RAI14: variants seen among roughly 807,000 people sequenced by gnomAD.
The protein encoded by RAI14 is ankycorbin.
RAI14 carries 45 observed loss-of-function variants against 115.4 expected under a neutral mutation model. The observed-to-expected ratio is 0.39, with a 90% CI of 0.31 to 0.50. The LOEUF is 0.50. Among genes scored for constraint, RAI14 ranks in the 20% least tolerant of loss-of-function variants. The pLI, the probability that RAI14 is intolerant of heterozygous loss-of-function variation, is 0.85. For missense variants in RAI14, 939 were observed against 1,131.2 expected (o/e 0.83, Z 2.44); for synonymous variants, 371 against 415.4 (o/e 0.89, Z 1.30).
chr5:34,741,665 G>A (rs970788212), intron 2 of RAI14, among the ~76,000 whole-genome samples: 1 of 152,152 alleles, frequency 6.6e-6, no homozygotes, highest in Non-Finnish European at 1.5e-5. Flanking sequence ...GGGATTTAAG[G>A]TTTGAAACTG....
chr5:34,776,208 G>A (rs887274123), intron 3 of RAI14, among the ~76,000 whole-genome samples: 2 of 152,196 alleles, frequency 1.3e-5, no homozygotes, highest in Non-Finnish European at 1.5e-5. Context: ...ATTTGTGGGA[G>A]CTAGAAATTA....
rs1253794061 is a variant in RAI14 at position 34,701,515 on chromosome 5, C to CT, written c.36+14563dup. Among the ~76,000 whole-genome samples, 8 of 152,340 alleles carry CT rather than the reference C, an allele frequency of 5.3e-5. No individual in the cohort carries two copies. In the South Asian group the frequency reaches 1.2e-3, roughly 24 times the overall value. ...ATCTTTATCTTAACCTGAATGTTCC[C>CT]TTTCTACCAATCCCAAGTCTTTAGA... On this transcript the variant is annotated intron_variant, in intron 2 of 17. Transcript: ENST00000265109.
intron 2 of RAI14, among the ~76,000 whole-genome samples, chr5:34,747,328 A>C (rs1048562625): frequency 6.6e-6 from 1 of 152,230 alleles, no homozygotes; most frequent in Non-Finnish European, 1.5e-5. Context: ...CGCACTGTAC[A>C]TTTTAATTTT....
At chr5:34,677,093 C>G (rs1744031511) in intron 1 of RAI14, among the ~76,000 whole-genome samples, 2 of 150,332 alleles carry the variant, frequency 1.3e-5, no homozygotes, top group Admixed American at 1.3e-4. Flanking sequence ...TTTGTATCCC[C>G]CTGTCTGAAA....
intron 3 of RAI14, among the ~76,000 whole-genome samples, chr5:34,758,616 C>T (rs1457145256): frequency 1.3e-5 from 2 of 152,098 alleles, no homozygotes; most frequent in Non-Finnish European, 2.9e-5. Context: ...GCTATGTTAC[C>T]GAGGCTAGAC....
At chr5:34,818,183 A>G (rs1260785512) in intron 12 of RAI14, among the ~76,000 whole-genome samples, 1 of 152,180 alleles carries the variant, frequency 6.6e-6, no homozygotes, top group African/African-American at 2.4e-5. Flanking sequence ...TTTTGAAATG[A>G]GATTGTGGCT....
chr5:34,693,003 G>T (rs1462219609), intron 2 of RAI14, among the ~76,000 whole-genome samples: 1 of 152,138 alleles, frequency 6.6e-6, no homozygotes, highest in East Asian at 1.9e-4. Context: ...GCTTGCAGAA[G>T]CCTTGCCCCG....
intron 3 of RAI14, among the ~76,000 whole-genome samples, chr5:34,776,803 T>TCAA (rs1279080501): frequency 6.2e-5 from 9 of 144,948 alleles, no homozygotes; most frequent in South Asian, 2.2e-4. Context: ...TGAGACCCTT[T>TCAA]ATTAAAAAAA....
rs182263826 is a variant in RAI14 at position 34,825,365 on chromosome 5, C to T, written c.2649+874C>T. 1.4e-4 allele frequency among the ~76,000 whole-genome samples: 21 copies of T among 152,304 alleles called. No homozygotes were observed. The South Asian group carries it at 3.1e-3, about 23-fold the overall frequency. On this transcript the variant is annotated intron_variant, in intron 15 of 17. Coordinates refer to ENST00000265109, the MANE Select transcript of RAI14 (RefSeq NM_015577.3). The stretch of plus-strand genomic sequence containing the variant: ...TATCTGTCCTTTAAAAATCATTTTA[C>T]AGAAGCTTTGCCAGTATTGGGGATC...
At chr5:34,804,467 A>G (rs943885563) in intron 5 of RAI14, among the ~76,000 whole-genome samples, 3 of 152,246 alleles carry the variant, frequency 2.0e-5, no homozygotes, top group African/African-American at 7.2e-5. Flanking sequence ...GCATAGAGCA[A>G]TAAAATACGT....
chr5:34,794,107 T>C (rs534186293), intron 3 of RAI14, among the ~76,000 whole-genome samples: 3 of 152,204 alleles, frequency 2.0e-5, no homozygotes, highest in African/African-American at 4.8e-5. Context: ...TTAAGCTATA[T>C]TGAATGAGGA....
intron 3 of RAI14, among the ~76,000 whole-genome samples, chr5:34,778,233 T>C (rs140006605): frequency 6.6e-6 from 1 of 152,230 alleles, no homozygotes; most frequent in Non-Finnish European, 1.5e-5. Flanking sequence ...CAAACTTGGA[T>C]GTGTACATGG....
At chr5:34,826,536 A>G (rs1378693553) in intron 16 of RAI14, 57 bp downstream of exon 16, 27 of 1,575,426 alleles carry the variant, frequency 1.7e-5, no homozygotes, top group Non-Finnish European at 2.3e-5. Flanking sequence ...CAGATTTCCT[A>G]CCATCTCAGC....
Position 34,823,056 on chromosome 5 carries a change from C to T in RAI14, c.1214C>T (p.Ser405Phe), listed in dbSNP as rs776380588. The T allele has an allele frequency of 6.2e-7, 1 of 1,612,768 alleles. No individual in the cohort carries two copies. The highest frequency in any genetic ancestry group is 8.5e-7 in the Non-Finnish European group (1 of 1,178,818). ...GPSLGKPGET[S>F]PPDSKSSPSV... Reference sequence around the variant, plus strand: ...TCCCTGGGAAAACCTGGTGAAACCTCTCCCCCAGACTCCAAATCATCTCCA... The same window carrying T: ...TCCCTGGGAAAACCTGGTGAAACCTTTCCCCCAGACTCCAAATCATCTCCA... The change falls in exon 15 of 18, where the codon TCT (serine) becomes TTT (phenylalanine). Residue 405 changes from serine (S) to phenylalanine (F), a missense_variant. Physicochemically the swap from Ser to Phe is radical, Grantham distance 155 (BLOSUM62 -2). Coordinates refer to ENST00000265109, the MANE Select transcript of RAI14 (RefSeq NM_015577.3). The surrounding 1 kb of genome is among the most constrained non-coding windows in gnomAD (Gnocchi z 4.5).
rs185669062 is a variant in RAI14 at position 34,748,641 on chromosome 5, G to T, written c.37-8827G>T. On this transcript the variant is annotated intron_variant, in intron 2 of 17. Transcript: ENST00000265109. ...TAATATCCTATTTTGCATTGTTGGC[G>T]TATTTCTGGTATTACCGTATTTGAT... Among the ~76,000 whole-genome samples the T allele has an allele frequency of 3.3e-5, 5 of 152,034 alleles. No individual in the cohort carries two copies. In the East Asian group the frequency reaches 7.7e-4, roughly 24 times the overall value.
chr5:34,794,928 C>G (rs1198496811), intron 3 of RAI14, among the ~76,000 whole-genome samples: 1 of 152,086 alleles, frequency 6.6e-6, no homozygotes, highest in Non-Finnish European at 1.5e-5. Context: ...GAGGTACAGA[C>G]ACCAAGGGAC....
At chr5:34,716,170 A>C (rs536590288) in intron 2 of RAI14, 1 of 396,244 alleles carries the variant, frequency 2.5e-6, no homozygotes. Flanking sequence ...TAAAAAATGC[A>C]CAGATTTCAA....
In RAI14 at chr5:34,823,456, T is replaced by A; in HGVS notation, c.1614T>A (p.Asp538Glu). Residue 538 changes from aspartate to glutamate, a missense_variant, in exon 15 of 18, where the codon GAT (aspartate) becomes GAA (glutamate). Transcript: ENST00000265109. This position sits in a 1 kb window ranked among gnomAD's most constrained non-coding sequence, Gnocchi z 4.5. ...AGGAAATAAATGTGCTAAAGCAGGA[T>A]CTGCAGAATGCATTAGAAGAAAGTG... The part of the protein sequence containing the change: ...TEEEINVLKQ[D>E]LQNALEESER... 1.2e-6 allele frequency: 2 copies of A among 1,614,104 alleles called. No homozygotes were observed. The highest frequency in any genetic ancestry group is 2.2e-5 in the South Asian group (2 of 91,070).
rs181834236 is a variant in RAI14 at position 34,684,004 on chromosome 5, G to T, written c.-48-2868G>T. ...GGCCTCCCAAAGTGCTGGGATTACA[G>T]GCGTGAGCCACCGTGCCCGGCCGGC... On this transcript the variant is annotated intron_variant, in intron 1 of 17. Transcript: ENST00000265109. 7.2e-5 allele frequency among the ~76,000 whole-genome samples: 11 copies of T among 152,324 alleles called. 1 individual carries two copies. The highest frequency in any genetic ancestry group is 2.6e-4 in the African/African-American group (11 of 41,574).
Sources: gnomAD v4.1 joint callset for allele counts (sites outside exome capture counted in the v4.1 genomes callset) on GRCh38, gnomAD v4.1.1 for gene constraint, Gnocchi (gnomAD v3.1) non-coding constraint, MANE v1.5 for transcripts, NCBI Gene and HGNC (gene_info 2026-07-23, HGNC 2026-07-21) for gene names.